Variants in CNBD1 observed in about 807,000 individuals in gnomAD.
CNBD1 encodes cyclic nucleotide-binding domain-containing protein 1.
CNBD1 carries 71 observed loss-of-function variants against 54.4 expected under a neutral mutation model. The observed-to-expected ratio is 1.30, with a 90% CI of 1.08 to 1.59. The LOEUF (loss-of-function observed/expected upper bound fraction) is 1.59, where lower values mean the gene tolerates loss of function less well. CNBD1 is among the 40% of genes most tolerant of loss of function. CNBD1 has a pLI of 0.00. For synonymous variants in CNBD1, 182 were observed against 170.7 expected, an observed-to-expected ratio of 1.07 and a Z score of -0.51; for missense variants, 659 against 518.0, an observed-to-expected ratio of 1.27 and a Z score of -2.64.
At chr8:87,228,147 T>A (rs1586346133) in intron 5 of CNBD1, among the ~76,000 whole-genome samples, 1 of 150,624 alleles carries the variant, frequency 6.6e-6, no homozygotes, top group African/African-American at 2.5e-5. Flanking sequence ...TTCTTCTAAA[T>A]TTTTTTCAAA....
intron 4 of CNBD1, among the ~76,000 whole-genome samples, chr8:86,948,249 T>C (rs924273473): frequency 2.6e-5 from 4 of 152,180 alleles, no homozygotes; most frequent in Non-Finnish European, 5.9e-5. Flanking sequence ...TTCAATATAC[T>C]GATTTCCTTT....
At chr8:87,366,750 T>C (rs947795912) in intron 10 of CNBD1, among the ~76,000 whole-genome samples, 1 of 152,178 alleles carries the variant, frequency 6.6e-6, no homozygotes, top group South Asian at 2.1e-4. Context: ...CTGCCATCCC[T>C]AAGCTTTCTA....
chr8:87,225,800 G>A (rs532758266), intron 5 of CNBD1, among the ~76,000 whole-genome samples: 5,479 of 145,854 alleles, frequency 0.038, 332 homozygotes, highest in African/African-American at 0.13. Context: ...GATTGGAATA[G>A]TTTCAGAAGG....
Position 87,377,909 on chromosome 8 carries a change from A to G in CNBD1, c.1304-4711A>G, listed in dbSNP as rs978280975. 1.6e-4 allele frequency among the ~76,000 whole-genome samples: 24 copies of G among 150,746 alleles called. 1 individual carries two copies. The highest frequency in any genetic ancestry group is 4.2e-4 in the South Asian group (2 of 4,770). ...TGCATTTCTCTGATGGCCAGTGATG[A>G]TGAGCATTTTTTCATGTGTTTTTTG... On this transcript the variant is annotated intron_variant, in intron 10 of 10. Coordinates refer to ENST00000518476, the MANE Select transcript of CNBD1 (RefSeq NM_173538.3).
At chr8:87,121,668 C>T (rs1290189177) in intron 4 of CNBD1, among the ~76,000 whole-genome samples, 1 of 151,840 alleles carries the variant, frequency 6.6e-6, no homozygotes, top group Non-Finnish European at 1.5e-5. Context: ...TTTGTTCCCT[C>T]CCTGTACTCC....
At chr8:87,420,228 C>T (rs1807908447) in intron 2 of CNBD1, among the ~76,000 whole-genome samples, 2 of 151,870 alleles carry the variant, frequency 1.3e-5, no homozygotes. Flanking sequence ...GGTTTCACAG[C>T]TTTGTGTAAG....
At chr8:86,999,157 T>C (rs1808942096) in intron 4 of CNBD1, among the ~76,000 whole-genome samples, 1 of 152,182 alleles carries the variant, frequency 6.6e-6, no homozygotes, top group Non-Finnish European at 1.5e-5. Context: ...ATTCACGGCT[T>C]CTTTTTGCTT....
intron 5 of CNBD1, among the ~76,000 whole-genome samples, chr8:87,226,354 T>C (rs925595688): frequency 6.6e-6 from 1 of 150,814 alleles, no homozygotes; most frequent in African/African-American, 2.5e-5. Context: ...TTTGGATCTT[T>C]CCTGCTTTCT....
At chr8:87,252,322 C>G (rs961647757) in intron 6 of CNBD1, among the ~76,000 whole-genome samples, 5 of 152,134 alleles carry the variant, frequency 3.3e-5, no homozygotes, top group Admixed American at 2.6e-4. Context: ...TGATAATTGA[C>G]TCTCAATATT....
At chr8:86,998,939 A>G (rs952206100) in intron 4 of CNBD1, among the ~76,000 whole-genome samples, 1 of 152,172 alleles carries the variant, frequency 6.6e-6, no homozygotes, top group African/African-American at 2.4e-5. Flanking sequence ...ATGTGATTCA[A>G]TGAACTCATT....
intron 4 of CNBD1, among the ~76,000 whole-genome samples, chr8:87,175,509 T>G (rs973938492): frequency 6.6e-6 from 1 of 152,202 alleles, no homozygotes; most frequent in African/African-American, 2.4e-5. Flanking sequence ...GAAGTTCCCT[T>G]CTGGCCCAGG....
chr8:87,272,534 T>C (rs192117308), intron 6 of CNBD1, among the ~76,000 whole-genome samples: 1 of 152,030 alleles, frequency 6.6e-6, no homozygotes, highest in African/African-American at 2.4e-5. Context: ...GTGGGAGAAA[T>C]GTTTTCCTTT....
At chr8:87,366,394 C>A (rs116486237) in intron 10 of CNBD1, among the ~76,000 whole-genome samples, 1,772 of 152,154 alleles carry the variant, frequency 0.012, 38 homozygotes, top group African/African-American at 0.038. Flanking sequence ...CCATCAGAGC[C>A]TGCTCCATCC....
At chr8:87,187,608 C>T (rs114267962) in intron 4 of CNBD1, among the ~76,000 whole-genome samples, 2,796 of 152,104 alleles carry the variant, frequency 0.018, 95 homozygotes, top group African/African-American at 0.064. Flanking sequence ...AAGAAAGCCC[C>T]TCAAGTCATC....
chr8:87,233,273 T>C (rs923634542), intron 5 of CNBD1, among the ~76,000 whole-genome samples: 1 of 152,178 alleles, frequency 6.6e-6, no homozygotes, highest in Non-Finnish European at 1.5e-5. Flanking sequence ...TCTCCTGCCT[T>C]CTAGACTAGC....
At position 86,866,526 on chromosome 8, in the gene CNBD1, T is replaced by C; in HGVS notation, c.31T>C (p.Leu11=). MPMSSLPAAI[L]SHMTAINNVP... is the part of the protein sequence containing the mutation. ...GATGTCTTCTCTTCCAGCAGCTATTTTGTCTCACATGACAGCTATTAACAA... is the reference window on the plus strand; with the variant it reads ...GATGTCTTCTCTTCCAGCAGCTATTCTGTCTCACATGACAGCTATTAACAA... Residue 11 remains leucine, a synonymous_variant, in exon 1 of 11, where the codon TTG becomes CTG. Transcript: ENST00000518476. 1 of 1,612,280 alleles carries C rather than the reference T, an allele frequency of 6.2e-7. No homozygotes were observed. The highest frequency in any genetic ancestry group is 8.5e-7 in the Non-Finnish European group (1 of 1,179,286).
At chr8:87,001,510 C>T (rs540096936) in intron 4 of CNBD1, among the ~76,000 whole-genome samples, 1 of 152,160 alleles carries the variant, frequency 6.6e-6, no homozygotes, top group African/African-American at 2.4e-5. Flanking sequence ...GCCTATGTGA[C>T]TTTTTGGTCT....
At chr8:86,983,154 G>A (rs971817428) in intron 4 of CNBD1, among the ~76,000 whole-genome samples, 2 of 152,038 alleles carry the variant, frequency 1.3e-5, no homozygotes, top group Non-Finnish European at 2.9e-5. Flanking sequence ...TGTATCATGG[G>A]GGCAGGCTTT....
chr8:87,320,275 G>A (rs750571081), intron 8 of CNBD1, among the ~76,000 whole-genome samples: 3 of 152,046 alleles, frequency 2.0e-5, no homozygotes, highest in African/African-American at 4.8e-5. Flanking sequence ...GTGCATGATA[G>A]GAGTTGCATC....
Sources: gnomAD v4.1 joint callset for allele counts (sites outside exome capture counted in the v4.1 genomes callset) on GRCh38, gnomAD v4.1.1 for gene constraint, MANE v1.5 for transcripts, NCBI Gene and HGNC (gene_info 2026-07-23, HGNC 2026-07-21) for gene names.